Variants in ZNF470 observed in about 807,000 individuals in gnomAD.
ZNF470 encodes chondrogenesis zinc finger protein 1.
In ZNF470, 13 loss-of-function variants were observed where a neutral mutation model predicts 13.9. The observed-to-expected ratio is 0.94, with a 90% confidence interval of 0.61 to 1.49. The LOEUF is 1.49. Ranked by LOEUF, ZNF470 falls within the 40% of genes most tolerant of loss-of-function variation. The pLI is 0.00. For missense variants in ZNF470, 929 were observed against 857.3 expected (o/e 1.08, Z -1.04); for synonymous variants, 293 against 282.9 (o/e 1.04, Z -0.36).
Position 56,581,828 on chromosome 19 carries a change from C to T in ZNF470, c.*3245C>T, listed in dbSNP as rs1427714082. 1 of 985,378 alleles carries T rather than the reference C, an allele frequency of 1.0e-6. No individual in the cohort carries two copies. The highest frequency in any genetic ancestry group is 1.1e-4 in the East Asian group (1 of 8,808). 61.0% of individuals were successfully genotyped at this position (985,378 alleles called of 1,614,324 possible). A position where few individuals can be genotyped will look rare whatever the true frequency, so the allele number is the denominator to read the frequency against. ...ATGGACGTGGCCAATAAAATTGTCT[C>T]TGAATTTCAAAAGGCATTTGGATCT... On this transcript the variant is annotated 3_prime_UTR_variant, in exon 6 of 6. Transcript: ENST00000330619.
Position 56,567,600 on chromosome 19 carries a change from C to A in ZNF470, c.-597C>A. The stretch of plus-strand genomic sequence containing the variant: ...GGCGGTGTCCTGGTTCCTGTGTGGG[C>A]GGCGGGCGTGAGCGTGCGCGTGTGG... On this transcript the variant is annotated 5_prime_UTR_variant, in exon 1 of 6. Transcript: ENST00000330619. 1.0e-6 allele frequency: 1 copy of A among 988,084 alleles called. No individual in the cohort carries two copies. Among genetic ancestry groups the A allele is most frequent in the African/African-American group, 1.7e-5 (1 of 57,158 alleles). 61.2% of individuals were successfully genotyped at this position (988,084 alleles called of 1,614,324 possible). A position where few individuals can be genotyped will look rare whatever the true frequency, so the allele number is the denominator to read the frequency against.
chr19:56,575,929 T>C (rs2044485675), intron 5 of ZNF470, among the ~76,000 whole-genome samples: 1 of 152,128 alleles, frequency 6.6e-6, no homozygotes, highest in Non-Finnish European at 1.5e-5. Flanking sequence ...ATAAGTTATA[T>C]GTAGTGATTT....
At position 56,578,165 on chromosome 19, in the gene ZNF470, A is replaced by G. The variant is rs764933797; in HGVS notation, c.1736A>G (p.Tyr579Cys). Residue 579 changes from tyrosine to cysteine, a missense_variant, in exon 6 of 6, where the codon TAT becomes TGT. Physicochemically the swap from Tyr to Cys is radical, Grantham distance 194 (BLOSUM62 -2). Transcript: ENST00000330619. ...GGGAAGGCCTTTAGTGATGGCTCAT[A>G]TCTTGTTCAACATCAGAGACTCCAC... ...ECGKAFSDGS[Y>C]LVQHQRLHSG... The G allele has an allele frequency of 1.9e-5, 31 of 1,613,894 alleles. No homozygotes were observed. In the Middle Eastern group the frequency reaches 4.9e-4, roughly 26 times the overall value.
Position 56,578,273 on chromosome 19 carries a change from A to T in ZNF470, c.1844A>T (p.His615Leu). Reference sequence around the variant, plus strand: ...TCCTTGATTTGTCATCAGAGATGTCATACTGGTGAGAAACCTTATGAATGT... The same window carrying T: ...TCCTTGATTTGTCATCAGAGATGTCTTACTGGTGAGAAACCTTATGAATGT... Reference protein sequence around the residue: ...RASLICHQRCHTGEKPYECNV... With the variant: ...RASLICHQRCLTGEKPYECNV... Residue 615 changes from histidine to leucine, a missense_variant, in exon 6 of 6, where the codon CAT (histidine) becomes CTT (leucine). His to Leu is a moderately conservative substitution (Grantham distance 99). Coordinates refer to ENST00000330619, the MANE Select transcript of ZNF470 (RefSeq NM_001001668.4). 1 of 1,613,696 alleles carries T rather than the reference A, an allele frequency of 6.2e-7. No individual in the cohort carries two copies. Among genetic ancestry groups the T allele is most frequent in the Non-Finnish European group, 8.5e-7 (1 of 1,179,784 alleles).
At position 56,570,322 on chromosome 19, in the gene ZNF470, AG is replaced by A; in HGVS notation, c.13del (p.Glu5LysfsTer3). On this transcript the variant is annotated frameshift_variant, in exon 3 of 6. Transcript: ENST00000330619. LOFTEE classifies it high-confidence loss of function. ...AAAGCTCTTCTCCAAATGAAGAGCC[AG>A]GAAGAGGTAGAGGTGGCAGGAATTA... MKSQEEVEVAGIKL... is the reference protein window; with the variant it reads MKSXEEVEVAGIKL... 6.2e-7 allele frequency: 1 copy of A among 1,614,214 alleles called. No individual in the cohort carries two copies.
At chr19:56,572,755 C>T (rs10412218) in intron 3 of ZNF470, among the ~76,000 whole-genome samples, 113,833 of 151,668 alleles carry the variant, frequency 0.75, 43,040 homozygotes, top group African/African-American at 0.84. Context: ...CACTGAAAAA[C>T]GATGAAGAAC....
rs573879614 is a variant in ZNF470 at position 56,567,620 on chromosome 19, G to T, written c.-577G>T. ...GTGGGCGGCGGGCGTGAGCGTGCGC[G>T]TGTGGCCTGGTGGCTGTGAGTGCCC... On this transcript the variant is annotated 5_prime_UTR_variant, in exon 1 of 6. Coordinates refer to ENST00000330619, the MANE Select transcript of ZNF470 (RefSeq NM_001001668.4). 2.0e-6 allele frequency: 2 copies of T among 988,402 alleles called. No homozygotes were observed. The highest frequency in any genetic ancestry group is 4.7e-5 in the South Asian group (1 of 21,484). 61.2% of individuals were successfully genotyped at this position (988,402 alleles called of 1,614,324 possible). A position where few individuals can be genotyped will look rare whatever the true frequency, so the allele number is the denominator to read the frequency against.
At chr19:56,572,274 C>A (rs1436544828) in intron 3 of ZNF470, among the ~76,000 whole-genome samples, 1 of 115,786 alleles carries the variant, frequency 8.6e-6, no homozygotes, top group African/African-American at 3.6e-5. Context: ...GAGGCTGAGG[C>A]GGGTGGATTA....
chr19:56,578,808 AAT>A lies in ZNF470; in HGVS notation c.*230_*231del. Reference sequence around the variant, plus strand: ...CCCATTTAAAACACTTGATTTGAAAAATATATTAACTAATCCATTTCAAGGAT... The same window carrying A: ...CCCATTTAAAACACTTGATTTGAAAAATATTAACTAATCCATTTCAAGGAT... On this transcript the variant is annotated 3_prime_UTR_variant, in exon 6 of 6. Transcript: ENST00000330619. The A allele has an allele frequency of 1.1e-5, 14 of 1,221,952 alleles. No homozygotes were observed. Among genetic ancestry groups the A allele is most frequent in the Middle Eastern group, 3.2e-4 (1 of 3,114 alleles). The allele number at this position is 1,221,952 out of a possible 1,614,324, so 75.7% of individuals were successfully genotyped here. A position where few individuals can be genotyped will look rare whatever the true frequency, so the allele number is the denominator to read the frequency against.
In ZNF470 at chr19:56,580,920, C is replaced by T. The variant is rs1488164550; in HGVS notation, c.*2337C>T. 5.1e-6 allele frequency: 5 copies of T among 985,102 alleles called. No individual in the cohort carries two copies. The highest frequency in any genetic ancestry group is 1.7e-5 in the African/African-American group (1 of 57,312). 61.0% of individuals were successfully genotyped at this position (985,102 alleles called of 1,614,324 possible). A position where few individuals can be genotyped will look rare whatever the true frequency, so the allele number is the denominator to read the frequency against. On this transcript the variant is annotated 3_prime_UTR_variant, in exon 6 of 6. Coordinates refer to ENST00000330619, the MANE Select transcript of ZNF470 (RefSeq NM_001001668.4). Reference sequence around the variant, plus strand: ...TGGAAAAACAGATCTGTACCTTTCACACTAATGAAATGCCTGAGATATTAA... The same window carrying T: ...TGGAAAAACAGATCTGTACCTTTCATACTAATGAAATGCCTGAGATATTAA...
rs191046590 is a variant in ZNF470 at position 56,580,906 on chromosome 19, A to G, written c.*2323A>G. On this transcript the variant is annotated 3_prime_UTR_variant, in exon 6 of 6. Transcript: ENST00000330619. ...GAAACTTAGCTCACTGGAAAAACAG[A>G]TCTGTACCTTTCACACTAATGAAAT... 7 of 985,306 alleles carry G rather than the reference A, an allele frequency of 7.1e-6. No individual in the cohort carries two copies. Among genetic ancestry groups the G allele is most frequent in the African/African-American group, 7.0e-5 (4 of 57,344 alleles). The allele number at this position is 985,306 out of a possible 1,614,324, so 61.0% of individuals were successfully genotyped here. A position where few individuals can be genotyped will look rare whatever the true frequency, so the allele number is the denominator to read the frequency against.
rs1289480440 is a variant in ZNF470 at position 56,577,838 on chromosome 19, T to A, written c.1409T>A (p.Leu470His). The change falls in exon 6 of 6, where the codon CTT becomes CAT. Residue 470 changes from leucine (L) to histidine (H), a missense_variant. Physicochemically the swap from Leu to His is moderately conservative, Grantham distance 99. Coordinates refer to ENST00000330619, the MANE Select transcript of ZNF470 (RefSeq NM_001001668.4). Reference sequence around the variant, plus strand: ...TTCAGCCATCGTGGGTCTCTTACTCTTCATCAGAGAGTTCATACTGGAGAG... The same window carrying A: ...TTCAGCCATCGTGGGTCTCTTACTCATCATCAGAGAGTTCATACTGGAGAG... ...KAFSHRGSLTLHQRVHTGEKP... is the reference protein window; with the variant it reads ...KAFSHRGSLTHHQRVHTGEKP... The A allele has an allele frequency of 1.2e-6, 2 of 1,612,222 alleles. No homozygotes were observed. Among genetic ancestry groups the A allele is most frequent in the African/African-American group, 2.7e-5 (2 of 74,332 alleles).
In ZNF470 at chr19:56,578,519, G is replaced by A. The variant is rs749286058; in HGVS notation, c.2090G>A (p.Arg697Gln). 4.6e-5 allele frequency: 73 copies of A among 1,600,050 alleles called. No homozygotes were observed. In the Middle Eastern group the frequency reaches 5.0e-4, roughly 11 times the overall value. ...AGTGTACATCTTGCTCATCATCAGC[G>A]AATTCATACCGGAGAGTCATCAGTT... ...RQSVHLAHHQ[R>Q]IHTGESSVIL... Residue 697 changes from arginine to glutamine, a missense_variant, in exon 6 of 6, where the codon CGA becomes CAA. Physicochemically the swap from Arg to Gln is conservative, Grantham distance 43. Coordinates refer to ENST00000330619, the MANE Select transcript of ZNF470 (RefSeq NM_001001668.4).
At chr19:56,572,725 A>C (rs2044464198) in intron 3 of ZNF470, among the ~76,000 whole-genome samples, 1 of 151,944 alleles carries the variant, frequency 6.6e-6, no homozygotes, top group Non-Finnish European at 1.5e-5. Context: ...ACTAAAGACA[A>C]AAAAATCTCA....
At position 56,580,183 on chromosome 19, in the gene ZNF470, A is replaced by G; in HGVS notation, c.*1600A>G. The G allele has an allele frequency of 1.0e-6, 1 of 963,994 alleles. No homozygotes were observed. The highest frequency in any genetic ancestry group is 1.2e-6 in the Non-Finnish European group (1 of 823,984). The allele number at this position is 963,994 out of a possible 1,614,324, so 59.7% of individuals were successfully genotyped here. On this transcript the variant is annotated 3_prime_UTR_variant, in exon 6 of 6. Coordinates refer to ENST00000330619, the MANE Select transcript of ZNF470 (RefSeq NM_001001668.4). The stretch of plus-strand genomic sequence containing the variant: ...GGTATTAGAGGATGAGGGAAGAACT[A>G]GAGGTAACTGTGAGACACAAAAGGC...
chr19:56,574,754 G>C (rs1222561158), intron 5 of ZNF470, 21 bp downstream of exon 5: 2 of 1,597,850 alleles, frequency 1.3e-6, no homozygotes, highest in South Asian at 2.2e-5. Flanking sequence ...GATACCTAGA[G>C]ATAAAGGAAC....
At chr19:56,568,151 G>A (rs2044425117) in intron 1 of ZNF470, 113 bp downstream of exon 1, 1 of 977,930 alleles carries the variant, frequency 1.0e-6, no homozygotes, top group African/African-American at 1.8e-5. Flanking sequence ...AAGGCTAGTG[G>A]ACCTGGAAGT....
At position 56,567,658 on chromosome 19, in the gene ZNF470, C is replaced by T. The variant is rs1318174367; in HGVS notation, c.-539C>T. ...GCTGTGAGTGCCCATACGTGGTGAG[C>T]GTGCGGTGCTGTGCTGAGGAGGGGC... On this transcript the variant is annotated 5_prime_UTR_variant, in exon 1 of 6. Coordinates refer to ENST00000330619, the MANE Select transcript of ZNF470 (RefSeq NM_001001668.4). 4 of 987,856 alleles carry T rather than the reference C, an allele frequency of 4.0e-6. No individual in the cohort carries two copies. The highest frequency in any genetic ancestry group is 3.6e-6 in the Non-Finnish European group (3 of 831,808). The allele number at this position is 987,856 out of a possible 1,614,324, so 61.2% of individuals were successfully genotyped here.
At chr19:56,568,307 G>A (rs1246262169) in intron 1 of ZNF470, among the ~76,000 whole-genome samples, 2 of 152,138 alleles carry the variant, frequency 1.3e-5, no homozygotes, top group East Asian at 3.9e-4. Context: ...AACACTACCC[G>A]TAATATTACC....
Sources: allele counts gnomAD v4.1 joint callset (sites outside exome capture counted in the v4.1 genomes callset), GRCh38; gene constraint gnomAD v4.1.1; transcripts MANE v1.5; gene names NCBI Gene and HGNC (gene_info 2026-07-23, HGNC 2026-07-21).